The following PDE4B variants were observed in gnomAD, a reference collection of about 807,000 sequenced individuals.
PDE4B encodes the protein phosphodiesterase 4B, also known as 3',5'-cyclic-AMP phosphodiesterase 4B.
PDE4B carries 20 observed loss-of-function variants against 82.2 expected under a neutral mutation model. That is an observed-to-expected ratio of 0.24 (90% CI 0.17 to 0.35). The LOEUF is 0.35. PDE4B is among the 10% of genes least tolerant of loss of function. The pLI, the probability that PDE4B is intolerant of heterozygous loss-of-function variation, is 1.00. For synonymous variants in PDE4B, 320 were observed against 318.9 expected, an observed-to-expected ratio of 1.00 and a Z score of -0.04; for missense variants, 655 against 907.2, an observed-to-expected ratio of 0.72 and a Z score of 3.57.
At chr1:65,949,823 A>G (rs1213232421) in intron 3 of PDE4B, among the ~76,000 whole-genome samples, 1 of 151,956 alleles carries the variant, frequency 6.6e-6, no homozygotes, top group Non-Finnish European at 1.5e-5. Flanking sequence ...ATAATTGGTC[A>G]CATTTTCAGG....
intron 1 of PDE4B, among the ~76,000 whole-genome samples, chr1:65,876,685 T>C (rs1401021120): frequency 6.6e-6 from 1 of 152,168 alleles, no homozygotes; most frequent in Non-Finnish European, 1.5e-5. Flanking sequence ...TGTATGTATA[T>C]AGAATTATTA....
intron 8 of PDE4B, among the ~76,000 whole-genome samples, chr1:66,344,275 T>C (rs1159183381): frequency 6.6e-6 from 1 of 152,214 alleles, no homozygotes; most frequent in Non-Finnish European, 1.5e-5. Context: ...CTGCTGTATT[T>C]TAACACTCAG....
chr1:65,947,825 T>C (rs528929077), intron 3 of PDE4B, among the ~76,000 whole-genome samples: 1 of 151,940 alleles, frequency 6.6e-6, no homozygotes, highest in African/African-American at 2.4e-5. Flanking sequence ...ACCTTATTTT[T>C]AGATTTCTAG....
chr1:66,310,755 A>T (rs115936360), intron 7 of PDE4B, among the ~76,000 whole-genome samples: 1 of 152,262 alleles, frequency 6.6e-6, no homozygotes, highest in Non-Finnish European at 1.5e-5. Context: ...ATAGTGGCTA[A>T]GAGTATAAGA....
chr1:66,076,888 A>AT (rs1259784106), intron 3 of PDE4B, among the ~76,000 whole-genome samples: 1 of 151,012 alleles, frequency 6.6e-6, no homozygotes, highest in African/African-American at 2.4e-5. Flanking sequence ...ATTTGTTTAA[A>AT]TTTTTTTTAT....
At chr1:66,277,311 T>A (rs888632584) in intron 7 of PDE4B, among the ~76,000 whole-genome samples, 8 of 152,242 alleles carry the variant, frequency 5.3e-5, no homozygotes, top group Admixed American at 3.9e-4. Context: ...GCAAATTCAG[T>A]TGGGAGCCAT....
At chr1:66,093,424 C>T (rs1004846859) in intron 3 of PDE4B, among the ~76,000 whole-genome samples, 6 of 151,840 alleles carry the variant, frequency 4.0e-5, no homozygotes, top group African/African-American at 1.5e-4. Flanking sequence ...GACATGATAC[C>T]AGTGAGGCTG....
At chr1:66,323,626 G>A (rs1659561435) in intron 7 of PDE4B, among the ~76,000 whole-genome samples, 2 of 152,058 alleles carry the variant, frequency 1.3e-5, no homozygotes, top group African/African-American at 4.8e-5. Flanking sequence ...TACTTGTAAT[G>A]TACCATGCAC....
chr1:66,038,269 A>T (rs943112267), intron 3 of PDE4B, among the ~76,000 whole-genome samples: 3 of 152,186 alleles, frequency 2.0e-5, no homozygotes, highest in Non-Finnish European at 4.4e-5. Flanking sequence ...AACAGACAAC[A>T]TGAAGTATAA....
At chr1:65,920,892 A>C (rs1647224236) in intron 3 of PDE4B, among the ~76,000 whole-genome samples, 1 of 151,946 alleles carries the variant, frequency 6.6e-6, no homozygotes, top group East Asian at 1.9e-4. Context: ...ATACTTTTTA[A>C]AGTATGAGAA....
chr1:66,072,547 T>G (rs962614601), intron 3 of PDE4B, among the ~76,000 whole-genome samples: 1 of 152,114 alleles, frequency 6.6e-6, no homozygotes, highest in Admixed American at 6.6e-5. Context: ...ACTAACAAGC[T>G]GGAGAGTGGA....
chr1:65,902,722 A>G (rs1020462232), intron 1 of PDE4B, among the ~76,000 whole-genome samples: 2 of 152,164 alleles, frequency 1.3e-5, no homozygotes, highest in African/African-American at 4.8e-5. Context: ...TGCTCAATAA[A>G]TTGTTGTTGG....
intron 3 of PDE4B, among the ~76,000 whole-genome samples, chr1:65,926,067 C>G (rs1183533397): frequency 1.3e-5 from 2 of 152,098 alleles, no homozygotes; most frequent in South Asian, 4.2e-4. Context: ...AATGCCTCAC[C>G]CTGGCATGGC....
At chr1:66,352,373 C>T (rs746030668) in intron 8 of PDE4B, among the ~76,000 whole-genome samples, 11 of 152,070 alleles carry the variant, frequency 7.2e-5, no homozygotes, top group African/African-American at 1.9e-4. Flanking sequence ...GTAAACTATG[C>T]GGGAAAGGTG....
chr1:66,184,945 C>T (rs1161218381), intron 3 of PDE4B, among the ~76,000 whole-genome samples: 1 of 151,904 alleles, frequency 6.6e-6, no homozygotes, highest in Non-Finnish European at 1.5e-5. Flanking sequence ...CCCATTAACT[C>T]GTCATTTAAC....
chr1:66,078,582 A>G (rs1409787876), intron 3 of PDE4B, among the ~76,000 whole-genome samples: 1 of 151,916 alleles, frequency 6.6e-6, no homozygotes, highest in Non-Finnish European at 1.5e-5. Context: ...TTCTCCACCT[A>G]TGTAGCATGT....
intron 1 of PDE4B, among the ~76,000 whole-genome samples, chr1:65,832,837 A>T (rs1179525193): frequency 1.3e-5 from 2 of 152,214 alleles, no homozygotes; most frequent in African/African-American, 4.8e-5. Context: ...GACTGAGTAT[A>T]TTGCTCATTA....
intron 3 of PDE4B, among the ~76,000 whole-genome samples, chr1:66,160,065 T>C (rs1646580092): frequency 6.6e-6 from 1 of 152,214 alleles, no homozygotes; most frequent in Non-Finnish European, 1.5e-5. Flanking sequence ...GGACCAAGAA[T>C]GAACCAAATA....
chr1:65,896,927 A>G (rs563070395), intron 1 of PDE4B, among the ~76,000 whole-genome samples: 1 of 152,186 alleles, frequency 6.6e-6, no homozygotes. Flanking sequence ...TGTTATTTCT[A>G]TTGTGTTTTT....
Sources: gnomAD v4.1 joint callset for allele counts (sites outside exome capture counted in the v4.1 genomes callset) on GRCh38, gnomAD v4.1.1 for gene constraint, MANE v1.5 for transcripts, NCBI Gene and HGNC (gene_info 2026-07-23, HGNC 2026-07-21) for gene names.